Variants in MYOM1 observed in about 807,000 individuals in gnomAD.
MYOM1 encodes myomesin-1.
Under a neutral mutation model 205.3 loss-of-function variants are expected in MYOM1, and 164 were observed. The ratio of observed to expected loss-of-function variants is 0.80; its 90% CI spans 0.70 to 0.91. MYOM1 has a LOEUF of 0.91. Among genes scored for constraint, MYOM1 ranks in the 40% least tolerant of loss-of-function variants. MYOM1 has a pLI of 0.00. For missense variants in MYOM1, 2,011 were observed against 2,127.3 expected, an observed-to-expected ratio of 0.95 and a Z score of 1.08; for synonymous variants, 772 against 789.4, an observed-to-expected ratio of 0.98 and a Z score of 0.37.
intron 23 of MYOM1, among the ~76,000 whole-genome samples, chr18:3,101,545 T>C (rs754859103): frequency 6.6e-6 from 1 of 152,226 alleles, no homozygotes; most frequent in Non-Finnish European, 1.5e-5. Context: ...CTAGAGCTCG[T>C]TCATCTTATA....
intron 8 of MYOM1, among the ~76,000 whole-genome samples, chr18:3,172,782 A>T (rs2080580339): frequency 6.6e-6 from 1 of 152,176 alleles, no homozygotes; most frequent in Admixed American, 6.5e-5. Context: ...AAGTGTTGGG[A>T]TTACAGGCGT....
chr18:3,148,165 A>T (rs2080157318), intron 13 of MYOM1, among the ~76,000 whole-genome samples: 1 of 152,192 alleles, frequency 6.6e-6, no homozygotes, highest in African/African-American at 2.4e-5. Flanking sequence ...TCATTTCAGA[A>T]AACAGCTGGC....
At chr18:3,175,274 C>T (rs115111421) in intron 6 of MYOM1, among the ~76,000 whole-genome samples, 1,531 of 152,160 alleles carry the variant, frequency 0.01, 18 homozygotes, top group African/African-American at 0.035. Flanking sequence ...GAGGAGAAGG[C>T]TATAAGTCTC....
the MYOM1 span, among the ~76,000 whole-genome samples, chr18:3,227,309 C>T: frequency 7.9e-5 from 12 of 152,096 alleles, no homozygotes; most frequent in African/African-American, 2.9e-4. Flanking sequence ...AATCCTGACA[C>T]ACACTACAAC....
At chr18:3,144,174 C>T (rs1253802693) in intron 13 of MYOM1, among the ~76,000 whole-genome samples, 1 of 151,992 alleles carries the variant, frequency 6.6e-6, no homozygotes, top group Non-Finnish European at 1.5e-5. Flanking sequence ...GCACTACACT[C>T]CAGACTGGGC....
intron 10 of MYOM1, among the ~76,000 whole-genome samples, chr18:3,155,478 C>T (rs577573881): frequency 2.0e-5 from 3 of 152,326 alleles, no homozygotes; most frequent in East Asian, 3.9e-4. Flanking sequence ...CCCGCCTCGG[C>T]CTCCCAAAGT....
Position 3,071,909 on chromosome 18 carries a change from G to T in MYOM1, c.4709-20C>A. ...CACGATCTGCAAGCATAGGCATTTT[G>T]GGTTAATCACTGCAGTGGCAAGGCC... On this transcript the variant is annotated intron_variant, in intron 36 of 37. Transcript: ENST00000356443. 1.9e-6 allele frequency: 3 copies of T among 1,597,388 alleles called. No individual in the cohort carries two copies. Among genetic ancestry groups the T allele is most frequent in the Non-Finnish European group, 1.7e-6 (2 of 1,171,774 alleles).
chr18:3,169,203 G>C (rs1456693044), intron 8 of MYOM1, among the ~76,000 whole-genome samples: 2 of 152,022 alleles, frequency 1.3e-5, no homozygotes, highest in Non-Finnish European at 2.9e-5. Flanking sequence ...TAAGCTAAAT[G>C]CTTATTTTTA....
chr18:3,079,198 T>C lies in MYOM1; in HGVS notation c.4629A>G (p.Thr1543=). 1.2e-6 allele frequency: 2 copies of C among 1,613,930 alleles called. No homozygotes were observed. Among genetic ancestry groups the C allele is most frequent in the Non-Finnish European group, 8.5e-7 (1 of 1,179,860 alleles). ...GTTTACCTTGTCCAGAGAGATCCACTGTCTTCTGATGTCCAGTTTTGCCAT... is the reference window on the plus strand; with the variant it reads ...GTTTACCTTGTCCAGAGAGATCCACCGTCTTCTGATGTCCAGTTTTGCCAT... ...LFDGKTGHQK[T]VDLSGQAYDE... Residue 1543 remains threonine, a synonymous_variant, in exon 34 of 38, where the codon ACA becomes ACG. Coordinates refer to ENST00000356443, the MANE Select transcript of MYOM1 (RefSeq NM_003803.4).
intron 3 of MYOM1, among the ~76,000 whole-genome samples, chr18:3,190,999 C>A (rs564309812): frequency 3.9e-5 from 6 of 152,034 alleles, no homozygotes; most frequent in African/African-American, 9.7e-5. Flanking sequence ...TTATTTCACA[C>A]GAGAACTCAA....
chr18:3,136,534 C>T (rs2079968045), intron 14 of MYOM1, among the ~76,000 whole-genome samples: 1 of 151,916 alleles, frequency 6.6e-6, no homozygotes, highest in South Asian at 2.1e-4. Context: ...TCAAGTGATC[C>T]TCCCACCTCA....
At chr18:3,162,407 A>G (rs1456721386) in intron 10 of MYOM1, among the ~76,000 whole-genome samples, 1 of 152,110 alleles carries the variant, frequency 6.6e-6, no homozygotes, top group Non-Finnish European at 1.5e-5. Flanking sequence ...TAACTTGTTT[A>G]CTTGCCCTGC....
At chr18:3,091,849 A>G (rs1205884272) in intron 26 of MYOM1, among the ~76,000 whole-genome samples, 1 of 151,598 alleles carries the variant, frequency 6.6e-6, no homozygotes, top group Non-Finnish European at 1.5e-5. Context: ...CTGCTGCCTC[A>G]GCCTCCTGAG....
chr18:3,109,885 A>T (rs532634040), intron 22 of MYOM1, among the ~76,000 whole-genome samples: 47 of 152,218 alleles, frequency 3.1e-4, no homozygotes, highest in African/African-American at 1.1e-3. Flanking sequence ...CTGGACTCCC[A>T]AAGTGTTGGG....
At chr18:3,145,527 C>T (rs187950006) in intron 13 of MYOM1, among the ~76,000 whole-genome samples, 33 of 151,904 alleles carry the variant, frequency 2.2e-4, no homozygotes, top group Non-Finnish European at 4.0e-4. Context: ...TAACATACTC[C>T]AAATAATCCA....
chr18:3,225,041 G>A, the MYOM1 span, among the ~76,000 whole-genome samples: 69 of 151,924 alleles, frequency 4.5e-4, no homozygotes, highest in East Asian at 0.012. Context: ...AGGCTGGAGC[G>A]CAGTGGCGCC....
chr18:3,121,097 A>G (rs1038372739), intron 19 of MYOM1, among the ~76,000 whole-genome samples: 1 of 152,238 alleles, frequency 6.6e-6, no homozygotes, highest in Non-Finnish European at 1.5e-5. Flanking sequence ...AGACTCAAAA[A>G]TGGGAAAGAG....
chr18:3,182,608 T>G (rs1369819615), intron 5 of MYOM1, among the ~76,000 whole-genome samples: 1 of 152,178 alleles, frequency 6.6e-6, no homozygotes, highest in African/African-American at 2.4e-5. Flanking sequence ...TTCCTAGAAC[T>G]TTTGTCCCTT....
chr18:3,170,983 CA>C (rs1394123250), intron 8 of MYOM1, among the ~76,000 whole-genome samples: 1 of 152,076 alleles, frequency 6.6e-6, no homozygotes, highest in Non-Finnish European at 1.5e-5. Flanking sequence ...CAACTTTGAC[CA>C]AGTATTGGTC....
Sources: gnomAD v4.1 joint callset for allele counts (sites outside exome capture counted in the v4.1 genomes callset) on GRCh38, gnomAD v4.1.1 for gene constraint, MANE v1.5 for transcripts, NCBI Gene and HGNC (gene_info 2026-07-23, HGNC 2026-07-21) for gene names.